DGKB: variants seen among roughly 807,000 people sequenced by gnomAD.
DGKB encodes the protein 90 kDa diacylglycerol kinase.
Under a neutral mutation model 114.3 loss-of-function variants are expected in DGKB, and 67 were observed. That is an observed-to-expected ratio of 0.59 (90% CI 0.48 to 0.72). The LOEUF (loss-of-function observed/expected upper bound fraction) is 0.72. DGKB is among the 30% of genes least tolerant of loss of function. The probability of loss-of-function intolerance (pLI) is 0.00; values close to 1 mark genes in which losing one functional copy is unlikely to be tolerated. For missense variants in DGKB, 907 were observed against 975.2 expected (o/e 0.93, Z 0.93); for synonymous variants, 398 against 323.1 (o/e 1.23, Z -2.49).
At chr7:14,841,521 G>A (rs1847931215) in intron 1 of DGKB, 71 bp from the exon 2 acceptor site, 1 of 347,060 alleles carries the variant, frequency 2.9e-6, no homozygotes, top group African/African-American at 2.1e-5. Context: ...ATGTCAAGGT[G>A]TTGAATGTTA....
At chr7:14,578,257 A>C (rs1477777050) in intron 19 of DGKB, among the ~76,000 whole-genome samples, 1 of 152,198 alleles carries the variant, frequency 6.6e-6, no homozygotes, top group Non-Finnish European at 1.5e-5. Flanking sequence ...GGAGTCAATT[A>C]AACCTTTCTT....
chr7:14,647,196 C>A (rs558723555), intron 13 of DGKB, among the ~76,000 whole-genome samples: 1 of 152,050 alleles, frequency 6.6e-6, no homozygotes, highest in Admixed American at 6.5e-5. Flanking sequence ...CACTACCACA[C>A]TGGGTAATCT....
At chr7:14,706,512 C>T (rs890543240) in intron 6 of DGKB, among the ~76,000 whole-genome samples, 4 of 147,864 alleles carry the variant, frequency 2.7e-5, no homozygotes, top group Non-Finnish European at 6.0e-5. Flanking sequence ...ACAGAATATA[C>T]ATTTTTTTCA....
At chr7:14,334,105 G>A (rs1810226769) in intron 23 of DGKB, among the ~76,000 whole-genome samples, 1 of 152,016 alleles carries the variant, frequency 6.6e-6, no homozygotes, top group African/African-American at 2.4e-5. Context: ...TTTCATTTAG[G>A]TATCATCACT....
chr7:14,620,767 G>A (rs1383755384), intron 15 of DGKB, among the ~76,000 whole-genome samples: 4 of 151,754 alleles, frequency 2.6e-5, no homozygotes, highest in African/African-American at 9.6e-5. Flanking sequence ...TATTCTTGAT[G>A]CCACAGGCGG....
At chr7:14,326,855 A>G (rs1808829033) in intron 23 of DGKB, among the ~76,000 whole-genome samples, 1 of 152,098 alleles carries the variant, frequency 6.6e-6, no homozygotes, top group Non-Finnish European at 1.5e-5. Context: ...TGATATCTAC[A>G]TGTCCATTAT....
intron 25 of DGKB, among the ~76,000 whole-genome samples, chr7:14,170,145 A>G (rs866259602): frequency 1.5e-3 from 153 of 99,914 alleles, no homozygotes; most frequent in South Asian, 2.4e-3. Flanking sequence ...AAAAAAAAAA[A>G]AAAGAAAGAA....
chr7:14,645,349 A>C (rs1812730600), intron 13 of DGKB, among the ~76,000 whole-genome samples: 1 of 152,154 alleles, frequency 6.6e-6, no homozygotes, highest in Admixed American at 6.6e-5. Flanking sequence ...AAAGAGCTGT[A>C]ATGTTCCTGC....
chr7:14,958,464 CACACACACACA>C (rs1275389217), intron 1 of DGKB, among the ~76,000 whole-genome samples: 1 of 151,144 alleles, frequency 6.6e-6, no homozygotes. Context: ...CACACACACA[CACACACACACA>C]CCCCGTCCAG....
chr7:14,183,606 T>C (rs983181489), intron 23 of DGKB, among the ~76,000 whole-genome samples: 1 of 152,216 alleles, frequency 6.6e-6, no homozygotes, highest in African/African-American at 2.4e-5. Context: ...TTTAAGACTC[T>C]CAACAGTCCT....
chr7:14,673,086 G>A, intron 12 of DGKB, 59 bp from the exon 13 acceptor site: 2 of 934,584 alleles, frequency 2.1e-6, no homozygotes, highest in Admixed American at 2.1e-5. Context: ...TAACATGGGG[G>A]AGATTATATT....
intron 2 of DGKB, among the ~76,000 whole-genome samples, chr7:14,769,978 A>C (rs76508932): frequency 0.021 from 3,269 of 152,236 alleles, 118 homozygotes; most frequent in African/African-American, 0.075. Context: ...CTTTTCCCAA[A>C]TATAAAGCCA....
rs1850302114 is a variant in DGKB at position 14,857,258 on chromosome 7, T to TTGTGTGTGTATGTGTGTGTGTGTGTGTG, written c.-187-15809_-187-15808insCACACACACACACACACATACACACACA. 4.2e-4 allele frequency among the ~76,000 whole-genome samples: 58 copies of TTGTGTGTGTATGTGTGTGTGTGTGTGTG among 138,356 alleles called. No individual in the cohort carries two copies. In the East Asian group the frequency reaches 0.013, roughly 32 times the overall value. 90.8% of individuals were successfully genotyped at this position (138,356 alleles called of 152,430 possible). On this transcript the variant is annotated intron_variant, in intron 1 of 25. Transcript: ENST00000402815. ...CCACCCAACCCCCTGCTGTGTGTGT[T>TTGTGTGTGTATGTGTGTGTGTGTGTGTG]TGTGTGTGTGTGTGTGTGTGTTGCT...
intron 17 of DGKB, among the ~76,000 whole-genome samples, chr7:14,602,775 T>C (rs1803790986): frequency 6.6e-6 from 1 of 152,204 alleles, no homozygotes; most frequent in South Asian, 2.1e-4. Flanking sequence ...GATTTTGTTA[T>C]AGCAGCCAGA....
chr7:14,394,587 C>T (rs1042818497), intron 21 of DGKB, among the ~76,000 whole-genome samples: 19 of 152,130 alleles, frequency 1.2e-4, no homozygotes, highest in Non-Finnish European at 2.6e-4. Context: ...CTAGCTTCAA[C>T]CCATCGAACA....
chr7:14,307,241 A>C (rs529296285), intron 23 of DGKB, among the ~76,000 whole-genome samples: 1 of 152,274 alleles, frequency 6.6e-6, no homozygotes, highest in South Asian at 2.1e-4. Context: ...TCACTATCTC[A>C]AACTATACCT....
At chr7:14,953,065 T>C (rs1454369129) in intron 1 of DGKB, among the ~76,000 whole-genome samples, 1 of 151,966 alleles carries the variant, frequency 6.6e-6, no homozygotes, top group African/African-American at 2.4e-5. Context: ...TTTCTAAAAA[T>C]ACACCATAGG....
intron 1 of DGKB, among the ~76,000 whole-genome samples, chr7:14,892,425 A>G (rs1781395113): frequency 6.6e-6 from 1 of 151,374 alleles, no homozygotes; most frequent in Non-Finnish European, 1.5e-5. Flanking sequence ...AAGAGTAATA[A>G]GGAAGATAAT....
chr7:14,175,380 C>T (rs1781573403), intron 25 of DGKB, among the ~76,000 whole-genome samples: 1 of 152,226 alleles, frequency 6.6e-6, no homozygotes, highest in African/African-American at 2.4e-5. Context: ...CTCAGTAAAT[C>T]ACACTATCAT....
Sources: allele counts gnomAD v4.1 joint callset (sites outside exome capture counted in the v4.1 genomes callset), GRCh38; gene constraint gnomAD v4.1.1; transcripts MANE v1.5; gene names NCBI Gene and HGNC (gene_info 2026-07-23, HGNC 2026-07-21).